PCDHGC3: variants seen among roughly 807,000 people sequenced by gnomAD.
PCDHGC3 encodes protocadherin gamma-C3.
In PCDHGC3, 26 loss-of-function variants were observed where a neutral mutation model predicts 59.2. That is an observed-to-expected ratio of 0.44 (90% CI 0.32 to 0.61). The LOEUF (loss-of-function observed/expected upper bound fraction) is 0.61. PCDHGC3 is among the 20% of genes least tolerant of loss of function. The pLI, the probability that PCDHGC3 is intolerant of heterozygous loss-of-function variation, is 0.05. For synonymous variants in PCDHGC3, 487 were observed against 519.7 expected (o/e 0.94, Z 0.86); for missense variants, 1,080 against 1,221.8 (o/e 0.88, Z 1.73).
Position 141,487,544 on chromosome 5 carries a change from C to A in PCDHGC3, c.2431-7263C>A. 1 of 1,614,190 alleles carries A rather than the reference C, an allele frequency of 6.2e-7. No homozygotes were observed. The highest frequency in any genetic ancestry group is 1.1e-5 in the South Asian group (1 of 91,088). On this transcript the variant is annotated intron_variant, in intron 1 of 3. Transcript: ENST00000308177. This position sits in a 1 kb window ranked among gnomAD's most constrained non-coding sequence, Gnocchi z 5.0. ...TGATAGCTTCATGATGGTGAAGTCA[C>A]CCAGTGCACCTATGGCAGGGGAGCC... is the stretch of plus-strand genomic sequence containing the variant.
rs1228771998 is a variant in PCDHGC3 at position 141,477,832 on chromosome 5, A to G, written c.1716A>G (p.Pro572=). The stretch of plus-strand genomic sequence containing the variant: ...CCCCCCAGGTCCTATATCCTCGGCC[A>G]GGTGGGAGCTCGGTGGAGATGCTGC... The part of the protein sequence containing the change: ...DNAPQVLYPR[P]GGSSVEMLPR... The change falls in exon 1 of 4, where the codon CCA becomes CCG. Residue 572 remains proline, a synonymous_variant. Transcript: ENST00000308177. This position sits in a 1 kb window ranked among gnomAD's most constrained non-coding sequence, Gnocchi z 4.9. 1.2e-6 allele frequency: 2 copies of G among 1,614,166 alleles called. No homozygotes were observed. Among genetic ancestry groups the G allele is most frequent in the South Asian group, 1.1e-5 (1 of 91,086 alleles).
intron 2 of PCDHGC3, among the ~76,000 whole-genome samples, chr5:141,498,956 AGAGG>A (rs1198207839): frequency 1.1e-4 from 14 of 124,162 alleles, no homozygotes; most frequent in East Asian, 2.7e-4. Context: ...AAAAAGAGAG[AGAGG>A]GAGGGAGGGA....
chr5:141,503,077 TCTC>T (rs1212079220), intron 2 of PCDHGC3, among the ~76,000 whole-genome samples: 1 of 151,810 alleles, frequency 6.6e-6, no homozygotes, highest in African/African-American at 2.4e-5. Flanking sequence ...ATGGTCTCGA[TCTC>T]CTGACCTCGT....
In PCDHGC3 at chr5:141,478,260, T is replaced by C. The variant is rs1340624663; in HGVS notation, c.2144T>C (p.Phe715Ser). ...GTCACAGTGTTCGGAGTAATCATAT[T>C]CAAAGTTTACAAGTGGAAGCAGTCT... is the stretch of plus-strand genomic sequence containing the variant. ...FVVTVFGVII[F>S]KVYKWKQSRD... The change falls in exon 1 of 4, where the codon TTC becomes TCC. Residue 715 changes from phenylalanine to serine, a missense_variant. Physicochemically the swap from Phe to Ser is radical, Grantham distance 155. Coordinates refer to ENST00000308177, the MANE Select transcript of PCDHGC3 (RefSeq NM_002588.4). 1 of 1,614,182 alleles carries C rather than the reference T, an allele frequency of 6.2e-7. No individual in the cohort carries two copies. The highest frequency in any genetic ancestry group is 2.2e-5 in the East Asian group (1 of 44,882).
In PCDHGC3 at chr5:141,491,091, A is replaced by T; in HGVS notation, c.2431-3716A>T. ...TGTTGCCACAGTCCACAGCCCCAGG[A>T]CTGTTCCTCGTGTCTACACACACTG... On this transcript the variant is annotated intron_variant, in intron 1 of 3. Transcript: ENST00000308177. This position sits in a 1 kb window ranked among gnomAD's most constrained non-coding sequence, Gnocchi z 6.9. The T allele has an allele frequency of 6.2e-7, 1 of 1,614,032 alleles. No individual in the cohort carries two copies. Among genetic ancestry groups the T allele is most frequent in the Non-Finnish European group, 8.5e-7 (1 of 1,180,000 alleles).
At chr5:141,504,959 T>C (rs1297800554) in intron 2 of PCDHGC3, among the ~76,000 whole-genome samples, 2 of 152,038 alleles carry the variant, frequency 1.3e-5, no homozygotes, top group Non-Finnish European at 2.9e-5. Flanking sequence ...GTTCAATGCA[T>C]TGGACCAGCC....
At position 141,511,456 on chromosome 5, in the gene PCDHGC3, C is replaced by A. The variant is rs900802210; in HGVS notation, c.*283C>A. ...TACTGTAGACACCAAGAACCATTTG[C>A]CACACCCCGTTTAGTTACAGCTGAA... On this transcript the variant is annotated 3_prime_UTR_variant, in exon 4 of 4. Transcript: ENST00000308177. 3.4e-6 allele frequency: 2 copies of A among 585,210 alleles called. No homozygotes were observed. The highest frequency in any genetic ancestry group is 5.7e-6 in the Non-Finnish European group (2 of 351,786). 36.3% of individuals were successfully genotyped at this position (585,210 alleles called of 1,614,324 possible).
Position 141,489,829 on chromosome 5 carries a change from G to T in PCDHGC3, c.2431-4978G>T, listed in dbSNP as rs1445416879. 6.2e-7 allele frequency: 1 copy of T among 1,614,076 alleles called. No individual in the cohort carries two copies. Among genetic ancestry groups the T allele is most frequent in the South Asian group, 1.1e-5 (1 of 91,070 alleles). ...GAAGCCATTCCCAGAGCTGGTGCTA[G>T]AGCAGCAGCTGGATCGTGAAGCCCA... On this transcript the variant is annotated intron_variant, in intron 1 of 3. Coordinates refer to ENST00000308177, the MANE Select transcript of PCDHGC3 (RefSeq NM_002588.4). The surrounding 1 kb of genome is among the most constrained non-coding windows in gnomAD (Gnocchi z 4.5).
At chr5:141,500,809 A>G (rs1018522111) in intron 2 of PCDHGC3, among the ~76,000 whole-genome samples, 1 of 152,324 alleles carries the variant, frequency 6.6e-6, no homozygotes, top group African/African-American at 2.4e-5. Context: ...CCTCATATGA[A>G]TATACATATT....
In PCDHGC3 at chr5:141,477,825, C is replaced by A; in HGVS notation, c.1709C>A (p.Pro570His). The A allele has an allele frequency of 2.5e-6, 4 of 1,614,174 alleles. No individual in the cohort carries two copies. The South Asian group carries it at 4.4e-5, about 18-fold the overall frequency. The change falls in exon 1 of 4, where the codon CCT becomes CAT. Residue 570 changes from proline (P) to histidine (H), a missense_variant. Pro to His is a moderately conservative substitution (Grantham distance 77). Transcript: ENST00000308177. This position sits in a 1 kb window ranked among gnomAD's most constrained non-coding sequence, Gnocchi z 4.9. ...RNDNAPQVLY[P>H]RPGGSSVEML... is the part of the protein sequence containing the mutation. ...GACAATGCCCCCCAGGTCCTATATC[C>A]TCGGCCAGGTGGGAGCTCGGTGGAG...
rs1425448852 is a variant in PCDHGC3, at chr5:141,493,717, C to T, written c.2431-1090C>T. Among the ~76,000 whole-genome samples the T allele has an allele frequency of 1.3e-5, 2 of 152,208 alleles. No individual in the cohort carries two copies. The highest frequency in any genetic ancestry group is 3.8e-4 in the East Asian group (2 of 5,202). On this transcript the variant is annotated intron_variant, in intron 1 of 3. Coordinates refer to ENST00000308177, the MANE Select transcript of PCDHGC3 (RefSeq NM_002588.4). This position sits in a 1 kb window ranked among gnomAD's most constrained non-coding sequence, Gnocchi z 4.3. ...CCGATACACCTGGAATGCTAGGTTT[C>T]TGGGTTCTGCTCATATCACTGCCAC...
intron 2 of PCDHGC3, among the ~76,000 whole-genome samples, chr5:141,503,518 G>A (rs576791899): frequency 6.7e-6 from 1 of 149,524 alleles, no homozygotes; most frequent in East Asian, 2.0e-4. Flanking sequence ...AGAATCACTT[G>A]AACCTGGGAG....
At chr5:141,501,326 CACACA>C (rs2099807944) in intron 2 of PCDHGC3, among the ~76,000 whole-genome samples, 1 of 151,784 alleles carries the variant, frequency 6.6e-6, no homozygotes, top group Non-Finnish European at 1.5e-5. Flanking sequence ...CACACACACA[CACACA>C]CACCCCAAAC....
rs2099611311 is a variant in PCDHGC3 at position 141,485,311 on chromosome 5, G to A, written c.2430+6765G>A. 3.1e-6 allele frequency: 5 copies of A among 1,614,174 alleles called. No individual in the cohort carries two copies. The East Asian group carries it at 6.7e-5, about 22-fold the overall frequency. ...AGTCACAGGAAGGGACTTTTGTAGGGAATGTCGCTCAAGATTTCCTGCTGG... is the reference window on the plus strand; with the variant it reads ...AGTCACAGGAAGGGACTTTTGTAGGAAATGTCGCTCAAGATTTCCTGCTGG... On this transcript the variant is annotated intron_variant, in intron 1 of 3. Transcript: ENST00000308177. The surrounding 1 kb of genome is among the most constrained non-coding windows in gnomAD (Gnocchi z 5.7).
chr5:141,492,396 A>G (rs1400291073), intron 1 of PCDHGC3, among the ~76,000 whole-genome samples: 1 of 152,188 alleles, frequency 6.6e-6, no homozygotes, highest in Non-Finnish European at 1.5e-5. Flanking sequence ...GTCCACTCGC[A>G]GCTCCCCTCT....
intron 1 of PCDHGC3, among the ~76,000 whole-genome samples, chr5:141,483,272 A>T (rs545719861): frequency 4.4e-4 from 67 of 152,196 alleles, no homozygotes; most frequent in African/African-American, 1.4e-3. Flanking sequence ...TGTTTTAGAA[A>T]TATTATTCTG....
At chr5:141,504,065 G>C (rs1291060280) in intron 2 of PCDHGC3, among the ~76,000 whole-genome samples, 2 of 152,060 alleles carry the variant, frequency 1.3e-5, no homozygotes, top group African/African-American at 2.4e-5. Context: ...AAACTTCTCT[G>C]AGCCAGATGG....
At chr5:141,507,106 A>T (rs1205648425) in intron 3 of PCDHGC3, 1 of 152,118 alleles carries the variant, frequency 6.6e-6, no homozygotes, top group African/African-American at 2.4e-5. Context: ...TACTATAGGG[A>T]CCATGGCTGC....
chr5:141,506,896 T>C (rs1417106112), intron 3 of PCDHGC3, among the ~76,000 whole-genome samples: 3 of 152,158 alleles, frequency 2.0e-5, no homozygotes, highest in African/African-American at 7.2e-5. Flanking sequence ...CAAGAAGCAC[T>C]GTCATCACAC....
Sources: allele counts gnomAD v4.1 joint callset (sites outside exome capture counted in the v4.1 genomes callset), GRCh38; gene constraint gnomAD v4.1.1; non-coding constraint Gnocchi (gnomAD v3.1); transcripts MANE v1.5; gene names NCBI Gene and HGNC (gene_info 2026-07-23, HGNC 2026-07-21).